ZRANB3: variants seen among roughly 807,000 people sequenced by gnomAD.
ZRANB3 encodes zinc finger RANBP2-type containing 3, also known as DNA annealing helicase and endonuclease ZRANB3.
A neutral mutation model predicts 133.8 loss-of-function variants in ZRANB3; 125 were observed. That is an observed-to-expected ratio of 0.93 (90% confidence interval 0.81 to 1.08). ZRANB3 has a LOEUF of 1.08. ZRANB3 is among the 50% of genes least tolerant of loss of function. The pLI, the probability that ZRANB3 is intolerant of heterozygous loss-of-function variation, is 0.00. For synonymous variants in ZRANB3, 387 were observed against 432.7 expected, an observed-to-expected ratio of 0.89 and a Z score of 1.31; for missense variants, 1,229 against 1,275.5, an observed-to-expected ratio of 0.96 and a Z score of 0.56.
chr2:135,419,474 A>G (rs1211539057), intron 2 of ZRANB3, among the ~76,000 whole-genome samples: 1 of 152,086 alleles, frequency 6.6e-6, no homozygotes, highest in Non-Finnish European at 1.5e-5. Flanking sequence ...AATCATGTTT[A>G]TTTGGAAATA....
intron 6 of ZRANB3, among the ~76,000 whole-genome samples, chr2:135,340,990 T>TATTC (rs151022760): frequency 6.7e-6 from 1 of 149,060 alleles, no homozygotes; most frequent in Admixed American, 6.6e-5. Flanking sequence ...ATTTTAGAAA[T>TATTC]ATTATTTGTG....
chr2:135,279,875 G>A (rs1681015263), intron 8 of ZRANB3, among the ~76,000 whole-genome samples: 1 of 152,218 alleles, frequency 6.6e-6, no homozygotes, highest in South Asian at 2.1e-4. Flanking sequence ...GAGAAAATGT[G>A]TTGGGAATAC....
chr2:135,352,598 G>A (rs116180853), intron 4 of ZRANB3, among the ~76,000 whole-genome samples: 185 of 152,198 alleles, frequency 1.2e-3, no homozygotes, highest in African/African-American at 3.3e-3. Flanking sequence ...AAAGTGAAAA[G>A]GCCCTCCATA....
intron 12 of ZRANB3, among the ~76,000 whole-genome samples, chr2:135,251,835 G>A (rs923862703): frequency 6.6e-6 from 1 of 152,162 alleles, no homozygotes; most frequent in Non-Finnish European, 1.5e-5. Flanking sequence ...AGGAGTTTGA[G>A]GCCAGCCTGG....
chr2:135,275,883 T>C (rs1680795919), intron 8 of ZRANB3, 128 bp from the exon 9 acceptor site: 1 of 675,860 alleles, frequency 1.5e-6, no homozygotes, highest in Admixed American at 4.2e-5. Context: ...CATTGTTCTC[T>C]AGGTAGCCTA....
At chr2:135,239,703 AGC>A (rs1695466004) in intron 12 of ZRANB3, among the ~76,000 whole-genome samples, 2 of 152,154 alleles carry the variant, frequency 1.3e-5, no homozygotes, top group South Asian at 2.1e-4. Flanking sequence ...TTAAAGAAAG[AGC>A]GGGCCAGGCA....
intron 2 of ZRANB3, among the ~76,000 whole-genome samples, chr2:135,434,987 T>C (rs1227213863): frequency 2.6e-5 from 4 of 152,154 alleles, no homozygotes; most frequent in Non-Finnish European, 5.9e-5. Flanking sequence ...AGTTAAACTT[T>C]TTTTTTAAAT....
intron 14 of ZRANB3, among the ~76,000 whole-genome samples, chr2:135,227,229 C>CTAG (rs1252453337): frequency 2.6e-5 from 4 of 152,124 alleles, no homozygotes; most frequent in Non-Finnish European, 5.9e-5. Flanking sequence ...GACATACAGG[C>CTAG]TAGTATTTGC....
Position 135,315,506 on chromosome 2 carries a change from C to T in ZRANB3, c.702G>A (p.Trp234Ter). The change falls in exon 7 of 21, where the codon TGG becomes TGA. Residue 234 changes from tryptophan (W) to a stop codon, truncating the protein, a stop_gained. Coordinates refer to ENST00000264159, the MANE Select transcript of ZRANB3 (RefSeq NM_032143.4). LOFTEE classifies it high-confidence loss of function. ...TAAGATTTGATGCCCCTCTACAATC[C>T]CACTGAGGTCTTTTACCAAAATATC... ...HIRYFGKRPQ[W>*]DCRGASNLNE... 1 of 1,544,766 alleles carries T rather than the reference C, an allele frequency of 6.5e-7. No homozygotes were observed. The highest frequency in any genetic ancestry group is 8.7e-7 in the Non-Finnish European group (1 of 1,152,094).
intron 2 of ZRANB3, among the ~76,000 whole-genome samples, chr2:135,473,118 A>C (rs1357195681): frequency 6.6e-6 from 1 of 152,176 alleles, no homozygotes; most frequent in Non-Finnish European, 1.5e-5. Flanking sequence ...TTATCATCCC[A>C]AACTAAAACT....
chr2:135,405,578 C>A lies in ZRANB3; in HGVS notation c.162-14758G>T, dbSNP rs543328822. On this transcript the variant is annotated intron_variant, in intron 2 of 20. Coordinates refer to ENST00000264159, the MANE Select transcript of ZRANB3 (RefSeq NM_032143.4). ...TGACCACATAGTTGGAAGTAAAGCA[C>A]TCCTCAACAAATGTAAAAGAACAGA... is the stretch of plus-strand genomic sequence containing the variant. Among the ~76,000 whole-genome samples the A allele has an allele frequency of 2.8e-3, 431 of 152,302 alleles. 1 individual carries two copies. Among genetic ancestry groups the A allele is most frequent in the African/African-American group, 9.4e-3 (390 of 41,560 alleles).
chr2:135,285,823 A>G (rs1287493267), intron 8 of ZRANB3, among the ~76,000 whole-genome samples: 1 of 152,236 alleles, frequency 6.6e-6, no homozygotes, highest in Non-Finnish European at 1.5e-5. Flanking sequence ...CATATGTAAC[A>G]CATGTAACTG....
At chr2:135,244,326 C>G (rs1371941871) in intron 12 of ZRANB3, among the ~76,000 whole-genome samples, 1 of 152,128 alleles carries the variant, frequency 6.6e-6, no homozygotes, top group Non-Finnish European at 1.5e-5. Context: ...CAAAAATTAG[C>G]TAGGCATTGG....
rs1197995614 is a variant in ZRANB3 at position 135,345,570 on chromosome 2, T to A, written c.657A>T (p.Arg219Ser). Reference protein sequence around the residue: ...KFGRWTDYAKRYCNAHIRYFG... With the variant: ...KFGRWTDYAKSYCNAHIRYFG... ...CTTACCTGATGTGTGCATTACAGTA[T>A]CTTTTTGCATAGTCGGTCCATCTTC... is the stretch of plus-strand genomic sequence containing the variant. The change falls in exon 6 of 21, where the codon AGA (arginine) becomes AGT (serine). Residue 219 changes from arginine to serine, a missense_variant. Transcript: ENST00000264159. 1.2e-6 allele frequency: 2 copies of A among 1,612,550 alleles called. No homozygotes were observed. The highest frequency in any genetic ancestry group is 1.1e-5 in the South Asian group (1 of 90,718).
intron 6 of ZRANB3, among the ~76,000 whole-genome samples, chr2:135,321,834 T>C (rs899585313): frequency 5.9e-5 from 9 of 152,174 alleles, no homozygotes; most frequent in African/African-American, 1.7e-4. Flanking sequence ...TAAATTTATA[T>C]ATTCCTTTAT....
At chr2:135,219,457 C>G (rs1694446641) in intron 15 of ZRANB3, among the ~76,000 whole-genome samples, 1 of 152,174 alleles carries the variant, frequency 6.6e-6, no homozygotes, top group Non-Finnish European at 1.5e-5. Context: ...ACTGCTGTGT[C>G]ATACTCTTTT....
chr2:135,221,505 A>C (rs916779146), intron 15 of ZRANB3, among the ~76,000 whole-genome samples: 1 of 152,186 alleles, frequency 6.6e-6, no homozygotes, highest in Non-Finnish European at 1.5e-5. Flanking sequence ...TAAAACATTG[A>C]TCAGGTAATC....
chr2:135,287,359 C>T (rs1482593235), intron 8 of ZRANB3, among the ~76,000 whole-genome samples: 2 of 152,034 alleles, frequency 1.3e-5, no homozygotes, highest in Non-Finnish European at 2.9e-5. Context: ...ATGTGATACC[C>T]CTGGATTTGT....
chr2:135,253,407 C>T (rs1679498228), intron 12 of ZRANB3, among the ~76,000 whole-genome samples: 1 of 152,132 alleles, frequency 6.6e-6, no homozygotes, highest in African/African-American at 2.4e-5. Flanking sequence ...AGAGAGATCC[C>T]TTCACCATAG....
Sources: allele counts gnomAD v4.1 joint callset (sites outside exome capture counted in the v4.1 genomes callset), GRCh38; gene constraint gnomAD v4.1.1; transcripts MANE v1.5; gene names NCBI Gene and HGNC (gene_info 2026-07-23, HGNC 2026-07-21).